SLC35F1: variants seen among roughly 807,000 people sequenced by gnomAD.
SLC35F1 encodes the protein solute carrier family 35 member F1.
SLC35F1 carries 14 observed loss-of-function variants against 48.7 expected under a neutral mutation model. The observed-to-expected ratio is 0.29, with a 90% confidence interval of 0.19 to 0.45. SLC35F1 has a LOEUF of 0.45. Among genes scored for constraint, SLC35F1 ranks in the 20% least tolerant of loss-of-function variants. The probability of loss-of-function intolerance (pLI) is 1.00; values close to 1 mark genes in which losing one functional copy is unlikely to be tolerated. For synonymous variants in SLC35F1, 190 were observed against 202.2 expected (o/e 0.94, Z 0.51); for missense variants, 404 against 500.0 (o/e 0.81, Z 1.83).
chr6:118,149,479 A>C (rs1272500804), intron 1 of SLC35F1, among the ~76,000 whole-genome samples: 2 of 152,188 alleles, frequency 1.3e-5, no homozygotes, highest in South Asian at 2.1e-4. Flanking sequence ...GCAGAGTGTC[A>C]ACATTTAGGC....
intron 1 of SLC35F1, among the ~76,000 whole-genome samples, chr6:118,091,012 G>A (rs1773065555): frequency 6.6e-6 from 1 of 152,070 alleles, no homozygotes; most frequent in African/African-American, 2.4e-5. Flanking sequence ...TGGATTTTGG[G>A]CATGAGAAAA....
intron 1 of SLC35F1, among the ~76,000 whole-genome samples, chr6:118,153,357 TTTGA>T (rs1262691273): frequency 1.3e-5 from 2 of 152,242 alleles, no homozygotes; most frequent in Non-Finnish European, 2.9e-5. Flanking sequence ...ATTGTTCTGC[TTTGA>T]TTATTATACA....
intron 1 of SLC35F1, among the ~76,000 whole-genome samples, chr6:118,134,542 C>T (rs948858952): frequency 1.3e-5 from 2 of 152,136 alleles, no homozygotes; most frequent in African/African-American, 4.8e-5. Context: ...TAGAATAACA[C>T]CATGCAATAG....
chr6:117,994,555 T>C (rs1776960650), intron 1 of SLC35F1, among the ~76,000 whole-genome samples: 1 of 152,224 alleles, frequency 6.6e-6, no homozygotes, highest in African/African-American at 2.4e-5. Flanking sequence ...AGACAGGTAC[T>C]ATTAATTAGT....
intron 1 of SLC35F1, among the ~76,000 whole-genome samples, chr6:117,955,927 C>A (rs1313534846): frequency 1.3e-5 from 2 of 152,174 alleles, no homozygotes; most frequent in East Asian, 3.9e-4. Context: ...AATGTACAGG[C>A]ATTTTATAAC....
At chr6:117,923,097 T>A (rs1284920592) in intron 1 of SLC35F1, among the ~76,000 whole-genome samples, 1 of 152,210 alleles carries the variant, frequency 6.6e-6, no homozygotes, top group Non-Finnish European at 1.5e-5. Context: ...ATGCAAATTT[T>A]GACAAGTTTG....
At chr6:118,193,764 G>C (rs1040916553) in intron 2 of SLC35F1, among the ~76,000 whole-genome samples, 3 of 152,110 alleles carry the variant, frequency 2.0e-5, no homozygotes, top group African/African-American at 7.2e-5. Flanking sequence ...TTCCAGCATA[G>C]CTAGGGGTGT....
At chr6:118,198,185 A>T (rs1164214009) in intron 2 of SLC35F1, among the ~76,000 whole-genome samples, 1 of 152,216 alleles carries the variant, frequency 6.6e-6, no homozygotes, top group Non-Finnish European at 1.5e-5. Context: ...GAAGGTAAAC[A>T]TGCTTTGTTT....
intron 4 of SLC35F1, among the ~76,000 whole-genome samples, chr6:118,268,630 G>GTTTTTTT (rs1319585468): frequency 2.5e-5 from 2 of 80,282 alleles, no homozygotes; most frequent in Non-Finnish European, 4.8e-5. Flanking sequence ...TTTTTTTTGA[G>GTTTTTTT]ACAGAGTCCC....
intron 1 of SLC35F1, among the ~76,000 whole-genome samples, chr6:118,147,349 G>A (rs926448649): frequency 1.3e-5 from 2 of 152,116 alleles, no homozygotes; most frequent in African/African-American, 4.8e-5. Flanking sequence ...TACACAGCCT[G>A]GGCATCGGAA....
intron 7 of SLC35F1, among the ~76,000 whole-genome samples, chr6:118,307,827 C>T (rs538795567): frequency 6.6e-6 from 1 of 152,318 alleles, no homozygotes; most frequent in African/African-American, 2.4e-5. Flanking sequence ...CAGGCCACAG[C>T]TTACAGCACG....
At chr6:117,980,579 C>T (rs1229083790) in intron 1 of SLC35F1, among the ~76,000 whole-genome samples, 1 of 152,038 alleles carries the variant, frequency 6.6e-6, no homozygotes, top group Non-Finnish European at 1.5e-5. Context: ...TTATTAGTAC[C>T]CTATATCCTT....
intron 1 of SLC35F1, among the ~76,000 whole-genome samples, chr6:118,043,490 C>A (rs901917258): frequency 4.6e-5 from 7 of 151,542 alleles, no homozygotes; most frequent in Admixed American, 2.6e-4. Flanking sequence ...GGTACCTTTT[C>A]AAGGCTTCAT....
Position 118,285,274 on chromosome 6 carries a change from A to G in SLC35F1, c.938A>G (p.Asn313Ser), listed in dbSNP as rs917347763. 3.7e-6 allele frequency: 6 copies of G among 1,613,514 alleles called. No individual in the cohort carries two copies. Among genetic ancestry groups the G allele is most frequent in the Admixed American group, 1.7e-5 (1 of 59,942 alleles). ...AAGAAAACCAGTGCCACTTCAGTCA[A>G]CCTCTCCTTGCTCACAGCAGACTTG... ...VIKKTSATSVNLSLLTADLYS... is the reference protein window; with the variant it reads ...VIKKTSATSVSLSLLTADLYS... Residue 313 changes from asparagine (N) to serine (S), a missense_variant, in exon 7 of 8, where the codon AAC becomes AGC. Asn to Ser is a conservative substitution (Grantham distance 46). Transcript: ENST00000360388.
intron 2 of SLC35F1, among the ~76,000 whole-genome samples, chr6:118,221,255 A>G (rs898009220): frequency 2.0e-5 from 3 of 152,194 alleles, no homozygotes; most frequent in Non-Finnish European, 4.4e-5. Context: ...GTCCAAGCAT[A>G]GATCGCTTTG....
At chr6:118,278,931 A>G (rs1775949541) in intron 6 of SLC35F1, among the ~76,000 whole-genome samples, 1 of 152,196 alleles carries the variant, frequency 6.6e-6, no homozygotes, top group Admixed American at 6.5e-5. Flanking sequence ...GTGTTAGTTA[A>G]ATGAGTCATC....
intron 1 of SLC35F1, among the ~76,000 whole-genome samples, chr6:118,051,094 A>T (rs1461986605): frequency 6.6e-6 from 1 of 152,200 alleles, no homozygotes; most frequent in Non-Finnish European, 1.5e-5. Context: ...CTCCTGCTAA[A>T]TAAGTGTAGG....
intron 1 of SLC35F1, among the ~76,000 whole-genome samples, chr6:118,049,006 C>A (rs1355620830): frequency 6.6e-6 from 1 of 152,034 alleles, no homozygotes; most frequent in East Asian, 1.9e-4. Flanking sequence ...GTACTGGTAC[C>A]AAAACAGAGA....
chr6:118,245,675 C>T (rs1320076788), intron 3 of SLC35F1, among the ~76,000 whole-genome samples: 1 of 152,178 alleles, frequency 6.6e-6, no homozygotes, highest in African/African-American at 2.4e-5. Context: ...CCAGCCGGCA[C>T]CCCTTCTCAG....
Sources: allele counts gnomAD v4.1 joint callset (sites outside exome capture counted in the v4.1 genomes callset), GRCh38; gene constraint gnomAD v4.1.1; transcripts MANE v1.5; gene names NCBI Gene and HGNC (gene_info 2026-07-23, HGNC 2026-07-21).